MAML2: variants seen among roughly 807,000 people sequenced by gnomAD.
MAML2 encodes mastermind-like protein 2.
Under a neutral mutation model 96.1 loss-of-function variants are expected in MAML2, and 22 were observed. The observed-to-expected ratio is 0.23, with a 90% CI of 0.16 to 0.33. The LOEUF (loss-of-function observed/expected upper bound fraction) is 0.33. Ranked by LOEUF, MAML2 falls within the 10% of genes least tolerant of loss-of-function variation. The pLI, the probability that MAML2 is intolerant of heterozygous loss-of-function variation, is 1.00. For synonymous variants in MAML2, 561 were observed against 521.3 expected (o/e 1.08, Z -1.04); for missense variants, 1,367 against 1,392.4 (o/e 0.98, Z 0.29).
At position 95,978,523 on chromosome 11, in the gene MAML2, A is replaced by G. The variant is rs1565178761; in HGVS notation, c.*425T>C. 4.6e-6 allele frequency: 1 copy of G among 218,682 alleles called. No homozygotes were observed. Among genetic ancestry groups the G allele is most frequent in the South Asian group, 1.7e-4 (1 of 5,766 alleles). The allele number at this position is 218,682 out of a possible 1,614,324, so 13.5% of individuals were successfully genotyped here. On this transcript the variant is annotated 3_prime_UTR_variant, in exon 5 of 5. Coordinates refer to ENST00000524717, the MANE Select transcript of MAML2 (RefSeq NM_032427.4). ...AAAGACACAATGGAAAGATTAAACCATACCTATCTATTAGAGCAAATTAAG... is the reference window on the plus strand; with the variant it reads ...AAAGACACAATGGAAAGATTAAACCGTACCTATCTATTAGAGCAAATTAAG...
chr11:96,031,939 T>C (rs1202878058), intron 2 of MAML2, among the ~76,000 whole-genome samples: 1 of 151,836 alleles, frequency 6.6e-6, no homozygotes, highest in Non-Finnish European at 1.5e-5. Context: ...TGAGCTGAGA[T>C]TGCGCCACTG....
intron 1 of MAML2, among the ~76,000 whole-genome samples, chr11:96,277,998 A>G (rs549024867): frequency 6.6e-6 from 1 of 152,132 alleles, no homozygotes; most frequent in African/African-American, 2.4e-5. Flanking sequence ...GACTTGTTAA[A>G]ACAGAATGCT....
At chr11:95,994,510 A>T (rs1291328470) in intron 2 of MAML2, among the ~76,000 whole-genome samples, 1 of 152,018 alleles carries the variant, frequency 6.6e-6, no homozygotes, top group Non-Finnish European at 1.5e-5. Flanking sequence ...AAATACATGG[A>T]GGATTGGGGG....
At chr11:96,136,902 C>G (rs1201042265) in intron 1 of MAML2, among the ~76,000 whole-genome samples, 3 of 152,178 alleles carry the variant, frequency 2.0e-5, no homozygotes, top group South Asian at 2.1e-4. Flanking sequence ...TTTACTGTAC[C>G]CTGAACATCT....
At chr11:96,190,331 G>A (rs1346698161) in intron 1 of MAML2, among the ~76,000 whole-genome samples, 1 of 152,196 alleles carries the variant, frequency 6.6e-6, no homozygotes, top group Non-Finnish European at 1.5e-5. Flanking sequence ...TAATGAACTT[G>A]TCCCAGGGAA....
At chr11:96,210,699 C>T (rs1861958972) in intron 1 of MAML2, among the ~76,000 whole-genome samples, 1 of 152,112 alleles carries the variant, frequency 6.6e-6, no homozygotes, top group African/African-American at 2.4e-5. Flanking sequence ...GTACTTAGCA[C>T]AGCACCTAGC....
intron 1 of MAML2, among the ~76,000 whole-genome samples, chr11:96,215,758 C>T (rs923130169): frequency 1.3e-4 from 20 of 152,162 alleles, no homozygotes; most frequent in African/African-American, 2.2e-4. Context: ...GTGCTGGCTG[C>T]CACTGCTTTG....
intron 1 of MAML2, among the ~76,000 whole-genome samples, chr11:96,242,006 A>G (rs1045735756): frequency 1.3e-5 from 2 of 152,260 alleles, no homozygotes; most frequent in African/African-American, 2.4e-5. Flanking sequence ...ATATCTTTGC[A>G]TGAGAGCCCA....
intron 1 of MAML2, among the ~76,000 whole-genome samples, chr11:96,133,215 G>T (rs562812217): frequency 9.2e-5 from 14 of 152,274 alleles, no homozygotes; most frequent in Admixed American, 2.6e-4. Flanking sequence ...ACCATTAAAA[G>T]AAATCATTCT....
At chr11:96,073,897 T>C (rs1047955046) in intron 2 of MAML2, among the ~76,000 whole-genome samples, 2 of 152,204 alleles carry the variant, frequency 1.3e-5, no homozygotes, top group Non-Finnish European at 2.9e-5. Flanking sequence ...TGTGTTCATT[T>C]CTGAATAAGT....
chr11:96,080,619 C>G (rs1859515723), intron 2 of MAML2, among the ~76,000 whole-genome samples: 1 of 152,204 alleles, frequency 6.6e-6, no homozygotes, highest in Non-Finnish European at 1.5e-5. Flanking sequence ...CCATGCTCTT[C>G]CTACCACACA....
intron 1 of MAML2, among the ~76,000 whole-genome samples, chr11:96,252,193 A>ACC (rs1862591447): frequency 2.0e-5 from 3 of 151,334 alleles, no homozygotes; most frequent in Non-Finnish European, 4.4e-5. Flanking sequence ...ACACACACAC[A>ACC]CCCCACACAC....
At chr11:96,000,960 T>C (rs1034600663) in intron 2 of MAML2, among the ~76,000 whole-genome samples, 41 of 152,346 alleles carry the variant, frequency 2.7e-4, no homozygotes, top group African/African-American at 9.6e-4. Context: ...AGAAAGTATT[T>C]GGTTTAGTAT....
chr11:96,184,765 A>G (rs1341124969), intron 1 of MAML2, among the ~76,000 whole-genome samples: 1 of 151,686 alleles, frequency 6.6e-6, no homozygotes, highest in Non-Finnish European at 1.5e-5. Context: ...AATTTTTTGT[A>G]TTCTTAGTAG....
chr11:96,160,647 C>T (rs1172610494), intron 1 of MAML2, among the ~76,000 whole-genome samples: 8 of 152,106 alleles, frequency 5.3e-5, no homozygotes, highest in East Asian at 1.9e-4. Flanking sequence ...AGGCTGGTCT[C>T]GAACTCCTGA....
intron 1 of MAML2, among the ~76,000 whole-genome samples, chr11:96,275,732 G>C (rs1277695326): frequency 6.6e-6 from 1 of 152,022 alleles, no homozygotes; most frequent in East Asian, 1.9e-4. Flanking sequence ...TCCTACCATA[G>C]AAATAATAGC....
intron 2 of MAML2, among the ~76,000 whole-genome samples, chr11:96,023,389 C>T (rs931653312): frequency 1.3e-5 from 2 of 152,198 alleles, no homozygotes; most frequent in Admixed American, 6.5e-5. Context: ...AATGCACCCA[C>T]TTGCCGAGCC....
chr11:96,036,293 G>A (rs1565195729), intron 2 of MAML2, among the ~76,000 whole-genome samples: 1 of 152,152 alleles, frequency 6.6e-6, no homozygotes, highest in East Asian at 1.9e-4. Context: ...AAGATGGTAT[G>A]TCTCAGGTTT....
chr11:96,099,697 T>G (rs1053894036), intron 1 of MAML2, among the ~76,000 whole-genome samples: 4 of 152,188 alleles, frequency 2.6e-5, no homozygotes, highest in Admixed American at 2.0e-4. Flanking sequence ...AAGGAGGTTG[T>G]GGGTTGTGGG....
Sources: allele counts gnomAD v4.1 joint callset (sites outside exome capture counted in the v4.1 genomes callset), GRCh38; gene constraint gnomAD v4.1.1; transcripts MANE v1.5; gene names NCBI Gene and HGNC (gene_info 2026-07-23, HGNC 2026-07-21).